UQCC1: variants seen among roughly 807,000 people sequenced by gnomAD.
The protein encoded by UQCC1 is ubiquinol-cytochrome c reductase complex assembly factor 1.
Under a neutral mutation model 48.0 loss-of-function variants are expected in UQCC1, and 38 were observed. The ratio of observed to expected loss-of-function variants is 0.79; its 90% CI spans 0.61 to 1.04. UQCC1 has a LOEUF of 1.04. UQCC1 is among the 50% of genes least tolerant of loss of function. UQCC1 has a pLI of 0.00. For synonymous variants in UQCC1, 111 were observed against 129.2 expected (o/e 0.86, Z 0.95); for missense variants, 368 against 381.8 (o/e 0.96, Z 0.30).
chr20:35,391,197 A>G (rs2062010375), intron 2 of UQCC1, among the ~76,000 whole-genome samples: 1 of 152,158 alleles, frequency 6.6e-6, no homozygotes, highest in Non-Finnish European at 1.5e-5. Context: ...CTGTCTCAAA[A>G]AAATGAATAA....
intron 6 of UQCC1, among the ~76,000 whole-genome samples, chr20:35,349,049 T>C (rs1039602172): frequency 6.6e-5 from 10 of 152,230 alleles, no homozygotes; most frequent in Admixed American, 5.2e-4. Flanking sequence ...AATTATGGAA[T>C]AGTTAATCCA....
At position 35,394,079 on chromosome 20, in the gene UQCC1, C is replaced by T. The variant is rs1400302677; in HGVS notation, c.129+13G>A. On this transcript the variant is annotated intron_variant, in intron 2 of 9. Coordinates refer to ENST00000374385, the MANE Select transcript of UQCC1 (RefSeq NM_018244.5). ...AAGGTTTTCATACTAAGCAAAAGAA[C>T]AACAAATCTTACCTGGGAAGTGCGA... 3 of 1,608,564 alleles carry T rather than the reference C, an allele frequency of 1.9e-6. No individual in the cohort carries two copies. The highest frequency in any genetic ancestry group is 2.6e-6 in the Non-Finnish European group (3 of 1,175,292).
chr20:35,338,913 A>ATATATATG (rs1183937195), intron 7 of UQCC1, among the ~76,000 whole-genome samples: 1,076 of 55,474 alleles, frequency 0.019, 123 homozygotes, highest in South Asian at 0.046. Flanking sequence ...ATATATGGAG[A>ATATATATG]GATTTTTCAA....
In UQCC1 at chr20:35,335,349, G is replaced by A. The variant is rs1487015736; in HGVS notation, c.573+11815C>T. 3.9e-5 allele frequency among the ~76,000 whole-genome samples: 6 copies of A among 152,174 alleles called. No homozygotes were observed. In the South Asian group the frequency reaches 1.2e-3, roughly 32 times the overall value. ...TCACAAAAGCTAAAAAGTGGAAAGT[G>A]GAAAGACTAAATGTCTATTAACTGA... On this transcript the variant is annotated intron_variant, in intron 7 of 9. Transcript: ENST00000374385.
At chr20:35,333,712 A>G (rs528002309) in intron 7 of UQCC1, among the ~76,000 whole-genome samples, 1 of 152,342 alleles carries the variant, frequency 6.6e-6, no homozygotes, top group South Asian at 2.1e-4. Context: ...AAGTACTTCA[A>G]GAGTTAAAAC....
chr20:35,328,273 T>C (rs1281512478), intron 7 of UQCC1, among the ~76,000 whole-genome samples: 1 of 152,186 alleles, frequency 6.6e-6, no homozygotes, highest in African/African-American at 2.4e-5. Flanking sequence ...CAGCCCTGTT[T>C]CCCCACCTGG....
intron 6 of UQCC1, among the ~76,000 whole-genome samples, chr20:35,347,638 C>G (rs6142350): frequency 6.6e-6 from 1 of 152,018 alleles, no homozygotes; most frequent in Non-Finnish European, 1.5e-5. Flanking sequence ...AGCAGGAGTC[C>G]TAAAGACGGA....
rs183837113 is a variant in UQCC1, at chr20:35,372,096, G to C, written c.406+2088C>G. Among the ~76,000 whole-genome samples, 12 of 152,012 alleles carry C rather than the reference G, an allele frequency of 7.9e-5. No individual in the cohort carries two copies. The East Asian group carries it at 2.3e-3, about 30-fold the overall frequency. On this transcript the variant is annotated intron_variant, in intron 5 of 9. Transcript: ENST00000374385. ...GGAGGTCGAGGTGGGTGGATCACAA[G>C]GTCAGGAGTTCGAGACCAGCCTGGC...
intron 1 of UQCC1, among the ~76,000 whole-genome samples, chr20:35,407,432 A>G (rs78455918): frequency 0.016 from 2,246 of 141,082 alleles, 52 homozygotes; most frequent in African/African-American, 0.052. Context: ...TGTCAAAAAA[A>G]AAAGAGTGGG....
intron 7 of UQCC1, among the ~76,000 whole-genome samples, chr20:35,317,061 G>A (rs568438832): frequency 3.1e-3 from 467 of 151,884 alleles, no homozygotes; most frequent in African/African-American, 0.011. Context: ...TCAGCCTCCC[G>A]AGCAGCTGGG....
intron 5 of UQCC1, among the ~76,000 whole-genome samples, chr20:35,369,699 A>G (rs934615310): frequency 8.5e-5 from 13 of 152,248 alleles, no homozygotes; most frequent in African/African-American, 2.9e-4. Flanking sequence ...TGAGAATGAG[A>G]TAAGGCCTAT....
chr20:35,310,878 T>C (rs2060984718), intron 8 of UQCC1, among the ~76,000 whole-genome samples: 4 of 148,236 alleles, frequency 2.7e-5, no homozygotes, highest in Non-Finnish European at 4.5e-5. Flanking sequence ...TTTTTTTTTT[T>C]CAGTAGAGAC....
At chr20:35,353,771 GAC>G (rs753948377) in intron 6 of UQCC1, among the ~76,000 whole-genome samples, 16 of 151,880 alleles carry the variant, frequency 1.1e-4, no homozygotes, top group Non-Finnish European at 1.8e-4. Context: ...TGGCCTGGAT[GAC>G]AGAGTGAGAC....
At chr20:35,407,799 G>C (rs563954948) in intron 1 of UQCC1, among the ~76,000 whole-genome samples, 22 of 152,278 alleles carry the variant, frequency 1.4e-4, no homozygotes, top group Non-Finnish European at 2.8e-4. Context: ...GAGGCAGGCG[G>C]ATCACCTGAG....
intron 7 of UQCC1, chr20:35,315,258 G>A (rs1235509545): frequency 6.4e-6 from 1 of 156,240 alleles, no homozygotes; most frequent in African/African-American, 2.4e-5. Flanking sequence ...ACAGAGGAGA[G>A]TGAGGGGGAG....
At chr20:35,306,953 A>T in intron 8 of UQCC1, 174 bp from the exon 9 acceptor site, 1 of 660,268 alleles carries the variant, frequency 1.5e-6, no homozygotes, top group South Asian at 1.6e-5. Flanking sequence ...TTACAAGGGT[A>T]TCTGGCCCAA....
chr20:35,366,458 T>A, intron 6 of UQCC1, 99 bp downstream of exon 6: 2 of 1,002,454 alleles, frequency 2.0e-6, no homozygotes, highest in Non-Finnish European at 1.5e-6. Context: ...CCTGAACAAC[T>A]GCCATTTCAT....
At chr20:35,341,836 GGGTATGTGAA>G (rs1460490529) in intron 7 of UQCC1, among the ~76,000 whole-genome samples, 1 of 152,098 alleles carries the variant, frequency 6.6e-6, no homozygotes, top group African/African-American at 2.4e-5. Flanking sequence ...CTGGAGTGAA[GGGTATGTGAA>G]GCAAGGATGG....
intron 5 of UQCC1, among the ~76,000 whole-genome samples, chr20:35,370,319 T>C (rs1319503399): frequency 6.6e-6 from 1 of 151,848 alleles, no homozygotes; most frequent in Non-Finnish European, 1.5e-5. Context: ...ACTGCTGGGA[T>C]TACACGTGTG....
Sources: gnomAD v4.1 joint callset for allele counts (sites outside exome capture counted in the v4.1 genomes callset) on GRCh38, gnomAD v4.1.1 for gene constraint, MANE v1.5 for transcripts, NCBI Gene and HGNC (gene_info 2026-07-23, HGNC 2026-07-21) for gene names.